VPS50: variants seen among roughly 807,000 people sequenced by gnomAD.
VPS50 encodes the protein syndetin.
VPS50 carries 70 observed loss-of-function variants against 139.7 expected under a neutral mutation model. That is an observed-to-expected ratio of 0.50 (90% CI 0.41 to 0.61). The LOEUF is 0.61. Ranked by LOEUF, VPS50 falls within the 20% of genes least tolerant of loss-of-function variation. The pLI, the probability that VPS50 is intolerant of heterozygous loss-of-function variation, is 0.00. For synonymous variants in VPS50, 365 were observed against 376.7 expected, an observed-to-expected ratio of 0.97 and a Z score of 0.36; for missense variants, 921 against 1,133.7, an observed-to-expected ratio of 0.81 and a Z score of 2.69.
At chr7:93,276,533 A>C in intron 12 of VPS50, 1 of 533,140 alleles carries the variant, frequency 1.9e-6, no homozygotes, top group Non-Finnish European at 2.9e-6. Context: ...TTCTCAATCG[A>C]CTCTTTACCA....
At chr7:93,310,683 G>A (rs79511644) in intron 19 of VPS50, among the ~76,000 whole-genome samples, 189 of 151,970 alleles carry the variant, frequency 1.2e-3, no homozygotes, top group African/African-American at 4.0e-3. Context: ...AGCGCACTCT[G>A]TTCTCTCTTA....
intron 2 of VPS50, among the ~76,000 whole-genome samples, chr7:93,240,595 T>C (rs1165824714): frequency 4.6e-5 from 7 of 152,188 alleles, no homozygotes; most frequent in Non-Finnish European, 1.0e-4. Flanking sequence ...GTGTTGCTGC[T>C]TGGAGCTGCC....
chr7:93,345,956 C>T, intron 23 of VPS50, among the ~76,000 whole-genome samples: 1 of 152,088 alleles, frequency 6.6e-6, no homozygotes, highest in Non-Finnish European at 1.5e-5. Flanking sequence ...CTATTCAACA[C>T]AGTGTTGGAA....
chr7:93,237,398 A>G (rs574130029), intron 1 of VPS50, among the ~76,000 whole-genome samples: 1 of 152,156 alleles, frequency 6.6e-6, no homozygotes, highest in South Asian at 2.1e-4. Flanking sequence ...TAATCACTTC[A>G]CTCTACATCC....
At chr7:93,250,081 T>A (rs1457496893) in intron 2 of VPS50, among the ~76,000 whole-genome samples, 1 of 152,150 alleles carries the variant, frequency 6.6e-6, no homozygotes, top group Non-Finnish European at 1.5e-5. Context: ...TGACCTTTTT[T>A]TCTCGGTGTA....
chr7:93,331,760 G>A (rs751238186), intron 21 of VPS50, among the ~76,000 whole-genome samples: 16 of 152,022 alleles, frequency 1.1e-4, no homozygotes, highest in Non-Finnish European at 1.8e-4. Context: ...GGTTAACAAC[G>A]TTTGCTAAAG....
At chr7:93,325,519 C>A (rs1463149019) in intron 21 of VPS50, among the ~76,000 whole-genome samples, 1 of 151,598 alleles carries the variant, frequency 6.6e-6, no homozygotes, top group East Asian at 1.9e-4. Flanking sequence ...AGGCAACCTA[C>A]AAAATGGGAG....
chr7:93,302,852 G>A (rs993812309), intron 16 of VPS50, among the ~76,000 whole-genome samples: 2 of 152,036 alleles, frequency 1.3e-5, no homozygotes, highest in African/African-American at 4.8e-5. Context: ...AGGATAGACA[G>A]TAAGAATAAT....
At chr7:93,352,854 C>T (rs1006664019) in intron 25 of VPS50, among the ~76,000 whole-genome samples, 6 of 151,894 alleles carry the variant, frequency 4.0e-5, no homozygotes, top group Non-Finnish European at 8.8e-5. Context: ...TTATTGTTTC[C>T]GTTGTACTAA....
intron 25 of VPS50, among the ~76,000 whole-genome samples, chr7:93,351,023 A>G (rs1175435710): frequency 4.6e-5 from 7 of 152,206 alleles, no homozygotes; most frequent in Admixed American, 2.0e-4. Context: ...AGAGCCATAG[A>G]TTTAAAATAG....
intron 9 of VPS50, among the ~76,000 whole-genome samples, chr7:93,266,261 T>C (rs1435435978): frequency 6.6e-6 from 1 of 152,216 alleles, no homozygotes; most frequent in Non-Finnish European, 1.5e-5. Context: ...GTCTTCAGCA[T>C]ATAATAGAAT....
intron 16 of VPS50, among the ~76,000 whole-genome samples, chr7:93,299,747 C>T (rs974920739): frequency 1.3e-5 from 2 of 151,992 alleles, no homozygotes; most frequent in Non-Finnish European, 2.9e-5. Context: ...GGGAACACAG[C>T]GTCTATTATT....
intron 22 of VPS50, among the ~76,000 whole-genome samples, chr7:93,338,120 T>TCA (rs1251160227): frequency 6.6e-6 from 1 of 152,050 alleles, no homozygotes; most frequent in Non-Finnish European, 1.5e-5. Flanking sequence ...AACTCTGAAC[T>TCA]AAGAAGAAAG....
chr7:93,342,407 A>G (rs10266205), intron 23 of VPS50, among the ~76,000 whole-genome samples: 80,799 of 152,038 alleles, frequency 0.53, 25,177 homozygotes, highest in African/African-American at 0.87. Flanking sequence ...GGGGAGGGGC[A>G]CCCGCCATTG....
At chr7:93,350,418 C>G (rs1798523456) in intron 25 of VPS50, among the ~76,000 whole-genome samples, 1 of 152,136 alleles carries the variant, frequency 6.6e-6, no homozygotes, top group Non-Finnish European at 1.5e-5. Flanking sequence ...GTAAAAATCA[C>G]ACTACTTTTG....
At chr7:93,241,524 A>G (rs750417738) in intron 2 of VPS50, among the ~76,000 whole-genome samples, 12 of 152,172 alleles carry the variant, frequency 7.9e-5, no homozygotes, top group Admixed American at 5.9e-4. Context: ...TTAACCTTAC[A>G]CTAAGAAATC....
intron 2 of VPS50, among the ~76,000 whole-genome samples, chr7:93,247,864 C>T (rs1056660252): frequency 6.6e-6 from 1 of 151,776 alleles, no homozygotes; most frequent in Non-Finnish European, 1.5e-5. Flanking sequence ...TCATTTTTTG[C>T]CTTTTATGCT....
At chr7:93,294,745 A>T (rs1796757194) in intron 14 of VPS50, 109 bp downstream of exon 14, 13 of 795,026 alleles carry the variant, frequency 1.6e-5, no homozygotes, top group Non-Finnish European at 2.3e-5. Flanking sequence ...TGCAGATTTA[A>T]TCATATGTTT....
intron 12 of VPS50, among the ~76,000 whole-genome samples, chr7:93,278,681 C>G (rs1434845033): frequency 6.6e-6 from 1 of 150,726 alleles, no homozygotes; most frequent in Non-Finnish European, 1.5e-5. Context: ...ATAGCTTATC[C>G]TTATCCTTAG....
Sources: allele counts gnomAD v4.1 joint callset (sites outside exome capture counted in the v4.1 genomes callset), GRCh38; gene constraint gnomAD v4.1.1; transcripts MANE v1.5; gene names NCBI Gene and HGNC (gene_info 2026-07-23, HGNC 2026-07-21).